SGMS1: variants seen among roughly 807,000 people sequenced by gnomAD.
The protein encoded by SGMS1 is phosphatidylcholine:ceramide cholinephosphotransferase 1.
Under a neutral mutation model 46.2 loss-of-function variants are expected in SGMS1, and 13 were observed. The observed-to-expected ratio is 0.28, with a 90% confidence interval of 0.18 to 0.45. The LOEUF is 0.45. Ranked by LOEUF, SGMS1 falls within the 20% of genes least tolerant of loss-of-function variation. The pLI, the probability that SGMS1 is intolerant of heterozygous loss-of-function variation, is 1.00. For missense variants in SGMS1, 324 were observed against 519.9 expected, an observed-to-expected ratio of 0.62 and a Z score of 3.66; for synonymous variants, 203 against 187.8, an observed-to-expected ratio of 1.08 and a Z score of -0.66.
intron 6 of SGMS1, among the ~76,000 whole-genome samples, chr10:50,409,393 T>C (rs998628705): frequency 5.3e-5 from 8 of 152,212 alleles, no homozygotes; most frequent in African/African-American, 1.9e-4. Flanking sequence ...CTGGATATAA[T>C]CCCATTTATT....
chr10:50,606,835 G>A (rs906541192), intron 1 of SGMS1, among the ~76,000 whole-genome samples: 1 of 152,098 alleles, frequency 6.6e-6, no homozygotes, highest in African/African-American at 2.4e-5. Context: ...TTCAAATGTC[G>A]GTGAACATTC....
At chr10:50,436,624 T>A (rs1303174553) in intron 5 of SGMS1, among the ~76,000 whole-genome samples, 1 of 152,208 alleles carries the variant, frequency 6.6e-6, no homozygotes, top group Non-Finnish European at 1.5e-5. Context: ...AATGTTAAGA[T>A]TCCATAACAG....
At chr10:50,479,891 CTTA>C (rs1258121534) in intron 3 of SGMS1, among the ~76,000 whole-genome samples, 1 of 152,132 alleles carries the variant, frequency 6.6e-6, no homozygotes, top group African/African-American at 2.4e-5. Context: ...TGAAGTACAT[CTTA>C]GAAGGAATCT....
At chr10:50,407,019 C>T (rs996187786) in intron 6 of SGMS1, among the ~76,000 whole-genome samples, 12 of 152,126 alleles carry the variant, frequency 7.9e-5, no homozygotes, top group African/African-American at 2.4e-4. Context: ...TCACCTGGCC[C>T]TAATAAGTCT....
At chr10:50,495,501 T>A (rs1837607653) in intron 3 of SGMS1, among the ~76,000 whole-genome samples, 1 of 152,110 alleles carries the variant, frequency 6.6e-6, no homozygotes, top group Non-Finnish European at 1.5e-5. Context: ...ATGTTCAAAA[T>A]CTAGCTTTAC....
intron 2 of SGMS1, among the ~76,000 whole-genome samples, chr10:50,526,718 T>C (rs540741954): frequency 5.9e-5 from 9 of 152,230 alleles, no homozygotes; most frequent in African/African-American, 1.9e-4. Context: ...CCTGATTCTG[T>C]TAAAGGCAAG....
chr10:50,422,019 A>G (rs1849261493), intron 6 of SGMS1, among the ~76,000 whole-genome samples: 1 of 152,158 alleles, frequency 6.6e-6, no homozygotes, highest in South Asian at 2.1e-4. Flanking sequence ...CAGACCACTG[A>G]AACCCTTTCT....
chr10:50,612,128 C>G (rs1838755602), intron 1 of SGMS1, among the ~76,000 whole-genome samples: 1 of 152,210 alleles, frequency 6.6e-6, no homozygotes, highest in Non-Finnish European at 1.5e-5. Context: ...TTTCTTCAAT[C>G]CCTCCATCTC....
intron 5 of SGMS1, among the ~76,000 whole-genome samples, chr10:50,450,096 T>G (rs1837087909): frequency 1.3e-5 from 2 of 152,182 alleles, no homozygotes; most frequent in South Asian, 4.1e-4. Context: ...TTTTTAATAA[T>G]GAGAATAACA....
intron 2 of SGMS1, among the ~76,000 whole-genome samples, chr10:50,573,269 C>CA: frequency 6.6e-6 from 1 of 152,074 alleles, no homozygotes; most frequent in Non-Finnish European, 1.5e-5. Flanking sequence ...AAAAGGTATC[C>CA]AATGTAAAAC....
intron 3 of SGMS1, among the ~76,000 whole-genome samples, chr10:50,502,065 A>G (rs1378259120): frequency 2.6e-5 from 4 of 152,012 alleles, no homozygotes; most frequent in Non-Finnish European, 5.9e-5. Context: ...CAATTTAGAA[A>G]TATGTGGGGT....
intron 2 of SGMS1, among the ~76,000 whole-genome samples, chr10:50,574,644 A>G (rs1378065864): frequency 1.3e-5 from 2 of 152,178 alleles, no homozygotes; most frequent in Admixed American, 1.3e-4. Flanking sequence ...GTATATATCC[A>G]AAAGAACTGA....
At position 50,373,242 on chromosome 10, in the gene SGMS1, T is replaced by C. The variant is rs571299213; in HGVS notation, c.-231-28897A>G. Among the ~76,000 whole-genome samples, 35 of 152,358 alleles carry C rather than the reference T, an allele frequency of 2.3e-4. No individual in the cohort carries two copies. The South Asian group carries it at 7.0e-3, about 31-fold the overall frequency. The stretch of plus-strand genomic sequence containing the variant: ...TAATTTGTATGAGCAACTGAGACAC[T>C]GGTAGGAATAATAAGATAATACAGG... On this transcript the variant is annotated intron_variant, in intron 6 of 10. Transcript: ENST00000361781.
intron 2 of SGMS1, among the ~76,000 whole-genome samples, chr10:50,557,731 G>C (rs1016256605): frequency 1.3e-5 from 2 of 150,772 alleles, no homozygotes; most frequent in African/African-American, 2.4e-5. Context: ...GTATTGTTAG[G>C]TTTATATGAG....
intron 6 of SGMS1, among the ~76,000 whole-genome samples, chr10:50,381,290 GA>G (rs202167060): frequency 0.017 from 2,517 of 148,222 alleles, 69 homozygotes; most frequent in African/African-American, 0.058. Context: ...AGAAGAAGAA[GA>G]AAAAAAAAAT....
intron 6 of SGMS1, among the ~76,000 whole-genome samples, chr10:50,376,617 G>A (rs1043018653): frequency 6.6e-6 from 1 of 152,082 alleles, no homozygotes; most frequent in African/African-American, 2.4e-5. Context: ...AGTGTGTGAT[G>A]TTCCCCTTCC....
intron 6 of SGMS1, among the ~76,000 whole-genome samples, chr10:50,362,846 C>T (rs1433630354): frequency 6.6e-6 from 1 of 152,016 alleles, no homozygotes; most frequent in Non-Finnish European, 1.5e-5. Context: ...TACGGAGAAA[C>T]CCTAGGTTCT....
intron 3 of SGMS1, among the ~76,000 whole-genome samples, chr10:50,475,634 G>A (rs1235447221): frequency 2.0e-5 from 3 of 152,238 alleles, no homozygotes; most frequent in South Asian, 2.1e-4. Flanking sequence ...AATTTTGGAC[G>A]TGGGGCCTGG....
chr10:50,594,332 A>T (rs1407738700), intron 1 of SGMS1, among the ~76,000 whole-genome samples: 1 of 152,208 alleles, frequency 6.6e-6, no homozygotes, highest in Admixed American at 6.5e-5. Flanking sequence ...GTAAATTCAG[A>T]GGCTGTTTTC....
Sources: allele counts gnomAD v4.1 joint callset (sites outside exome capture counted in the v4.1 genomes callset), GRCh38; gene constraint gnomAD v4.1.1; transcripts MANE v1.5; gene names NCBI Gene and HGNC (gene_info 2026-07-23, HGNC 2026-07-21).